SNX30: variants seen among roughly 807,000 people sequenced by gnomAD.
SNX30 encodes the protein sorting nexin family member 30.
SNX30 carries 24 observed loss-of-function variants against 46.4 expected under a neutral mutation model. The ratio of observed to expected loss-of-function variants is 0.52; its 90% CI spans 0.37 to 0.73. SNX30 has a LOEUF of 0.73. Among genes scored for constraint, SNX30 ranks in the 30% least tolerant of loss-of-function variants. The pLI, the probability that SNX30 is intolerant of heterozygous loss-of-function variation, is 0.00. For missense variants in SNX30, 533 were observed against 555.7 expected (o/e 0.96, Z 0.41); for synonymous variants, 189 against 211.5 (o/e 0.89, Z 0.92).
chr9:112,818,323 A>C (rs1286057869), intron 3 of SNX30, among the ~76,000 whole-genome samples: 6 of 151,074 alleles, frequency 4.0e-5, no homozygotes, highest in African/African-American at 1.5e-4. Flanking sequence ...TGCCCCTACC[A>C]GGTTCAAGTG....
intron 7 of SNX30, among the ~76,000 whole-genome samples, chr9:112,857,809 CATCT>C (rs796770866): frequency 1.7e-4 from 26 of 151,708 alleles, no homozygotes; most frequent in East Asian, 1.4e-3. Flanking sequence ...TCCATCCATC[CATCT>C]ATCTATTTAT....
At chr9:112,847,056 A>G (rs1263369139) in intron 6 of SNX30, among the ~76,000 whole-genome samples, 2 of 152,114 alleles carry the variant, frequency 1.3e-5, no homozygotes, top group East Asian at 3.8e-4. Context: ...TCTTCCAAAC[A>G]TTTTGTCATT....
intron 8 of SNX30, among the ~76,000 whole-genome samples, chr9:112,865,130 C>A (rs1841301813): frequency 7.7e-6 from 1 of 129,460 alleles, no homozygotes; most frequent in Non-Finnish European, 1.7e-5. Context: ...CACACACCCC[C>A]TACACATACA....
At chr9:112,755,235 T>C (rs932978913) in intron 1 of SNX30, among the ~76,000 whole-genome samples, 1 of 152,148 alleles carries the variant, frequency 6.6e-6, no homozygotes, top group African/African-American at 2.4e-5. Context: ...GAGTACTTGA[T>C]ATTTGAGCAG....
intron 1 of SNX30, among the ~76,000 whole-genome samples, chr9:112,756,710 C>A (rs375840287): frequency 6.6e-6 from 1 of 152,170 alleles, no homozygotes; most frequent in Admixed American, 6.6e-5. Context: ...ATCCGCCTGC[C>A]TCGGCCTCTG....
chr9:112,816,320 C>G (rs1392786195), intron 2 of SNX30, among the ~76,000 whole-genome samples: 2 of 152,186 alleles, frequency 1.3e-5, no homozygotes, highest in African/African-American at 2.4e-5. Flanking sequence ...TCATGCTGTG[C>G]TTGAAAATTT....
At chr9:112,827,685 T>C (rs1292933568) in intron 3 of SNX30, among the ~76,000 whole-genome samples, 1 of 152,226 alleles carries the variant, frequency 6.6e-6, no homozygotes, top group African/African-American at 2.4e-5. Flanking sequence ...GGTTTGTTTT[T>C]GTCCTTCAGG....
intron 6 of SNX30, 82 bp downstream of exon 6, chr9:112,838,779 G>A: frequency 7.4e-7 from 1 of 1,350,666 alleles, no homozygotes; most frequent in East Asian, 2.3e-5. Flanking sequence ...TTGCCTGTTT[G>A]CATGTGATAT....
downstream of SNX30, among the ~76,000 whole-genome samples, chr9:112,884,614 C>T (rs1434247689): frequency 2.0e-5 from 3 of 152,196 alleles, no homozygotes; most frequent in Non-Finnish European, 4.4e-5. Context: ...GGGTGGGATC[C>T]TGATAGCAGT....
intron 1 of SNX30, among the ~76,000 whole-genome samples, chr9:112,769,505 G>A (rs1265417074): frequency 6.6e-6 from 1 of 152,180 alleles, no homozygotes; most frequent in Non-Finnish European, 1.5e-5. Flanking sequence ...CTGTAGCTTG[G>A]CATGGACCAG....
chr9:112,756,563 C>T lies in SNX30; in HGVS notation c.156+5406C>T, dbSNP rs138097771. On this transcript the variant is annotated intron_variant, in intron 1 of 8. Transcript: ENST00000374232. The stretch of plus-strand genomic sequence containing the variant: ...GTAACCTCTGCCTCCAGGGTTCAAG[C>T]GATTTTCCTGCCTCAGCCTCCTGAG... Among the ~76,000 whole-genome samples the T allele has an allele frequency of 5.2e-3, 775 of 148,978 alleles. 2 individuals are homozygous for T. The highest frequency in any genetic ancestry group is 0.022 in the Middle Eastern group (6 of 278).
Position 112,778,203 on chromosome 9 carries a change from A to T in SNX30, c.157-26573A>T, listed in dbSNP as rs571297785. On this transcript the variant is annotated intron_variant, in intron 1 of 8. Transcript: ENST00000374232. ...GAATGAGCATTCTAAGAGTCAGGGA[A>T]GTGGAAATTGCTGGGCCATATAAGG... Among the ~76,000 whole-genome samples the T allele has an allele frequency of 1.4e-4, 22 of 151,758 alleles. No homozygotes were observed. The East Asian group carries it at 4.1e-3, about 28-fold the overall frequency.
intron 6 of SNX30, among the ~76,000 whole-genome samples, chr9:112,848,119 C>T (rs1311610005): frequency 6.6e-6 from 1 of 151,998 alleles, no homozygotes; most frequent in East Asian, 1.9e-4. Flanking sequence ...CTGTGCCCTT[C>T]GCCTTTTTGA....
chr9:112,813,493 C>T (rs1588124846), intron 2 of SNX30, among the ~76,000 whole-genome samples: 1 of 128,822 alleles, frequency 7.8e-6, no homozygotes, highest in African/African-American at 3.0e-5. Flanking sequence ...TTTTGCGAGA[C>T]AGTCTCACTC....
chr9:112,754,042 A>G (rs1487981034), intron 1 of SNX30, among the ~76,000 whole-genome samples: 3 of 152,170 alleles, frequency 2.0e-5, no homozygotes, highest in Non-Finnish European at 4.4e-5. Context: ...TTGTCTTGTT[A>G]GATACTGGGG....
intron 2 of SNX30, among the ~76,000 whole-genome samples, chr9:112,806,426 T>C (rs185600304): frequency 1.1e-4 from 16 of 152,046 alleles, no homozygotes; most frequent in African/African-American, 3.9e-4. Flanking sequence ...TTTACAGATA[T>C]TTTTGGAACC....
At chr9:112,818,131 T>C (rs1449315313) in intron 3 of SNX30, among the ~76,000 whole-genome samples, 1 of 152,064 alleles carries the variant, frequency 6.6e-6, no homozygotes, top group Non-Finnish European at 1.5e-5. Flanking sequence ...AACGTGACAT[T>C]TATCTACTCC....
intron 1 of SNX30, among the ~76,000 whole-genome samples, chr9:112,782,719 C>T (rs1401286018): frequency 6.6e-6 from 1 of 152,186 alleles, no homozygotes; most frequent in East Asian, 1.9e-4. Context: ...TAGGGATTGA[C>T]ATGGTGAGTT....
chr9:112,817,870 G>A, intron 3 of SNX30, 55 bp downstream of exon 3: 1 of 1,184,168 alleles, frequency 8.4e-7, no homozygotes, highest in Middle Eastern at 1.9e-4. Flanking sequence ...TGTCTTTCCT[G>A]AAGGGGTTCA....
Sources: gnomAD v4.1 joint callset for allele counts (sites outside exome capture counted in the v4.1 genomes callset) on GRCh38, gnomAD v4.1.1 for gene constraint, MANE v1.5 for transcripts, NCBI Gene and HGNC (gene_info 2026-07-23, HGNC 2026-07-21) for gene names.